IMPACT: variants seen among roughly 807,000 people sequenced by gnomAD.
IMPACT encodes impact RWD domain protein, also known as protein IMPACT.
Under a neutral mutation model 47.5 loss-of-function variants are expected in IMPACT, and 35 were observed. The ratio of observed to expected loss-of-function variants is 0.74; its 90% confidence interval spans 0.56 to 0.98. The LOEUF is 0.98. Among genes scored for constraint, IMPACT ranks in the 50% least tolerant of loss-of-function variants. IMPACT has a pLI of 0.00. For synonymous variants in IMPACT, 118 were observed against 125.6 expected (o/e 0.94, Z 0.40); for missense variants, 373 against 394.8 (o/e 0.94, Z 0.47).
At chr18:24,432,916 T>G (rs936400497) in intron 4 of IMPACT, among the ~76,000 whole-genome samples, 1 of 152,174 alleles carries the variant, frequency 6.6e-6, no homozygotes, top group Non-Finnish European at 1.5e-5. Flanking sequence ...GTCATACACT[T>G]AGAAGTGGCT....
At chr18:24,436,063 A>G (rs1298545604) in intron 4 of IMPACT, among the ~76,000 whole-genome samples, 1 of 152,168 alleles carries the variant, frequency 6.6e-6, no homozygotes, top group Admixed American at 6.5e-5. Flanking sequence ...GTAAGGGCCT[A>G]GAGTCAGGAA....
chr18:24,434,572 A>C (rs1486317129), intron 4 of IMPACT, among the ~76,000 whole-genome samples: 4 of 151,994 alleles, frequency 2.6e-5, no homozygotes, highest in African/African-American at 9.7e-5. Flanking sequence ...CAGGAGTTCG[A>C]AACCAGCCTG....
intron 7 of IMPACT, among the ~76,000 whole-genome samples, chr18:24,444,327 G>T (rs1328378318): frequency 6.6e-6 from 1 of 152,174 alleles, no homozygotes; most frequent in Non-Finnish European, 1.5e-5. Flanking sequence ...TTATTGATCA[G>T]AATTTGAGAA....
chr18:24,450,512 C>T (rs1166225595), intron 10 of IMPACT, among the ~76,000 whole-genome samples: 1 of 152,030 alleles, frequency 6.6e-6, no homozygotes, highest in Non-Finnish European at 1.5e-5. Context: ...TGAAATTATT[C>T]AAACATAAAT....
At chr18:24,427,520 C>T (rs1007657137) in intron 1 of IMPACT, 1 of 163,990 alleles carries the variant, frequency 6.1e-6, no homozygotes, top group Admixed American at 6.5e-5. Flanking sequence ...CAGGAGTACA[C>T]AGATAATGTG....
chr18:24,444,456 C>A (rs1011687485), intron 7 of IMPACT, among the ~76,000 whole-genome samples: 2 of 152,218 alleles, frequency 1.3e-5, no homozygotes, highest in Admixed American at 6.5e-5. Context: ...CTTGCCATTA[C>A]AACATCCCTG....
At chr18:24,431,718 T>A (rs1032779077) in intron 4 of IMPACT, among the ~76,000 whole-genome samples, 8 of 152,074 alleles carry the variant, frequency 5.3e-5, no homozygotes, top group Admixed American at 2.0e-4. Flanking sequence ...TAAAATTTTT[T>A]TGAGATGGAA....
intron 4 of IMPACT, among the ~76,000 whole-genome samples, chr18:24,434,844 G>GTGTGTATA (rs1908872566): frequency 7.8e-6 from 1 of 128,892 alleles, no homozygotes; most frequent in Non-Finnish European, 1.6e-5. Context: ...GTATATATAT[G>GTGTGTATA]TGTGTATATA....
At chr18:24,432,099 G>A (rs1206867230) in intron 4 of IMPACT, among the ~76,000 whole-genome samples, 1 of 152,096 alleles carries the variant, frequency 6.6e-6, no homozygotes, top group East Asian at 1.9e-4. Context: ...CAGTTCTCCT[G>A]CCTTGGCCTC....
At position 24,451,963 on chromosome 18, in the gene IMPACT, AT is replaced by A. The variant is rs1300482103; in HGVS notation, c.*1119del. 1 of 151,974 alleles carries A rather than the reference AT, an allele frequency of 6.6e-6. No individual in the cohort carries two copies. Among genetic ancestry groups the A allele is most frequent in the Non-Finnish European group, 1.5e-5 (1 of 68,012 alleles). The allele number at this position is 151,974 out of a possible 1,614,324, so 9.4% of individuals were successfully genotyped here. A position where few individuals can be genotyped will look rare whatever the true frequency, so the allele number is the denominator to read the frequency against. On this transcript the variant is annotated 3_prime_UTR_variant, in exon 11 of 11. Transcript: ENST00000284202. ...TACCTCTAGGCATTTAGATAGTGAA[AT>A]TTACCTTTGAGATATAACAATAAGT... is the stretch of plus-strand genomic sequence containing the variant.
chr18:24,430,028 C>T (rs1165550029), intron 3 of IMPACT, among the ~76,000 whole-genome samples: 4 of 152,090 alleles, frequency 2.6e-5, no homozygotes, highest in South Asian at 2.1e-4. Context: ...CTGCCCGCCT[C>T]GGCCTCCCAA....
Position 24,450,868 on chromosome 18 carries a change from G to T in IMPACT, c.*21G>T, listed in dbSNP as rs1909367275. 1 of 1,393,814 alleles carries T rather than the reference G, an allele frequency of 7.2e-7. No homozygotes were observed. The highest frequency in any genetic ancestry group is 1.4e-5 in the African/African-American group (1 of 70,552). 86.3% of individuals were successfully genotyped at this position (1,393,814 alleles called of 1,614,324 possible). Reference sequence around the variant, plus strand: ...ATTAATACCTGAAACTATAGGAAAGGTTAATTTGCCTATAATTATATATAC... The same window carrying T: ...ATTAATACCTGAAACTATAGGAAAGTTTAATTTGCCTATAATTATATATAC... On this transcript the variant is annotated 3_prime_UTR_variant, in exon 11 of 11. Transcript: ENST00000284202.
rs1346601624 is a variant in IMPACT at position 24,452,468 on chromosome 18, A to G, written c.*1621A>G. 1 of 152,126 alleles carries G rather than the reference A, an allele frequency of 6.6e-6. No homozygotes were observed. Among genetic ancestry groups the G allele is most frequent in the East Asian group, 1.9e-4 (1 of 5,202 alleles). 9.4% of individuals were successfully genotyped at this position (152,126 alleles called of 1,614,324 possible). On this transcript the variant is annotated 3_prime_UTR_variant, in exon 11 of 11. Coordinates refer to ENST00000284202, the MANE Select transcript of IMPACT (RefSeq NM_018439.4). ...TAACATTAAATAATTTCACAATTTC[A>G]ACATGTCAAACCTATGAAGGGAGAT...
intron 7 of IMPACT, among the ~76,000 whole-genome samples, chr18:24,444,514 C>T (rs753673875): frequency 6.6e-5 from 10 of 152,208 alleles, no homozygotes; most frequent in Non-Finnish European, 1.2e-4. Context: ...TCCACCTTCA[C>T]ACATGTAATC....
chr18:24,440,839 A>G (rs530178763), intron 6 of IMPACT, among the ~76,000 whole-genome samples: 18 of 152,314 alleles, frequency 1.2e-4, no homozygotes, highest in Admixed American at 6.5e-4. Flanking sequence ...TTTTCCCCCT[A>G]CTTTCTAGAG....
chr18:24,437,475 A>G (rs919372766), intron 4 of IMPACT, among the ~76,000 whole-genome samples: 1 of 152,224 alleles, frequency 6.6e-6, no homozygotes, highest in Non-Finnish European at 1.5e-5. Flanking sequence ...GGTCTTGTAA[A>G]TTGACTCCCT....
chr18:24,445,549 A>G (rs1909229303), intron 8 of IMPACT, 83 bp downstream of exon 8: 2 of 754,548 alleles, frequency 2.7e-6, no homozygotes. Context: ...AATAATAACT[A>G]TTGTGTATTT....
In IMPACT at chr18:24,430,322, T is replaced by C; in HGVS notation, c.219T>C (p.Asn73=). ...PGTAPPIYQL[N]APWLKGQERA... ...TCTTAATTGTTTTATTTAATCTTAG[T>C]GCTCCTTGGCTTAAAGGGCAAGAAC... Residue 73 remains asparagine (N), a splice_region_variant and synonymous_variant, in exon 4 of 11, where the codon AAT becomes AAC. Coordinates refer to ENST00000284202, the MANE Select transcript of IMPACT (RefSeq NM_018439.4). 6.3e-7 allele frequency: 1 copy of C among 1,589,756 alleles called. No homozygotes were observed. Among genetic ancestry groups the C allele is most frequent in the Non-Finnish European group, 8.6e-7 (1 of 1,168,766 alleles).
At chr18:24,439,333 C>T (rs1053645189) in intron 5 of IMPACT, among the ~76,000 whole-genome samples, 4 of 152,016 alleles carry the variant, frequency 2.6e-5, no homozygotes, top group African/African-American at 9.7e-5. Context: ...GAGTTCAGGA[C>T]CAGCCTGGCC....
Sources: gnomAD v4.1 joint callset for allele counts (sites outside exome capture counted in the v4.1 genomes callset) on GRCh38, gnomAD v4.1.1 for gene constraint, MANE v1.5 for transcripts, NCBI Gene and HGNC (gene_info 2026-07-23, HGNC 2026-07-21) for gene names.